LPP: variants seen among roughly 807,000 people sequenced by gnomAD.
The protein encoded by LPP is LIM domain containing preferred translocation partner in lipoma.
Under a neutral mutation model 60.4 loss-of-function variants are expected in LPP, and 38 were observed. That is an observed-to-expected ratio of 0.63 (90% CI 0.49 to 0.83). The LOEUF (loss-of-function observed/expected upper bound fraction) is 0.83, where lower values mean the gene tolerates loss of function less well. LPP is among the 40% of genes least tolerant of loss of function. The pLI is 0.00. For synonymous variants in LPP, 328 were observed against 290.8 expected, an observed-to-expected ratio of 1.13 and a Z score of -1.30; for missense variants, 902 against 783.6, an observed-to-expected ratio of 1.15 and a Z score of -1.80.
intron 2 of LPP, among the ~76,000 whole-genome samples, chr3:188,273,054 G>A (rs1041473561): frequency 6.6e-6 from 1 of 152,214 alleles, no homozygotes; most frequent in African/African-American, 2.4e-5. Context: ...ACAGAGACTC[G>A]TTCAGTGCTT....
intron 9 of LPP, among the ~76,000 whole-genome samples, chr3:188,804,521 C>G (rs1269388919): frequency 2.0e-5 from 3 of 151,736 alleles, no homozygotes; most frequent in Non-Finnish European, 4.4e-5. Context: ...CCAGTACTCA[C>G]TCTTCGGTTT....
At chr3:188,765,396 T>C (rs1733705875) in intron 9 of LPP, among the ~76,000 whole-genome samples, 1 of 151,238 alleles carries the variant, frequency 6.6e-6, no homozygotes, top group Non-Finnish European at 1.5e-5. Context: ...AGGAGAAAAA[T>C]GGTTCAAGAA....
intron 4 of LPP, among the ~76,000 whole-genome samples, chr3:188,421,930 C>T (rs1368544675): frequency 2.0e-5 from 3 of 152,124 alleles, no homozygotes; most frequent in Non-Finnish European, 4.4e-5. Flanking sequence ...GTACCCCACC[C>T]GTATTTCTTA....
At chr3:188,551,847 G>A (rs1438731641) in intron 6 of LPP, among the ~76,000 whole-genome samples, 1 of 152,136 alleles carries the variant, frequency 6.6e-6, no homozygotes, top group Non-Finnish European at 1.5e-5. Context: ...AACTATTTCA[G>A]GAAACCATAA....
chr3:188,580,253 A>G (rs75284683), intron 6 of LPP, among the ~76,000 whole-genome samples: 1 of 151,980 alleles, frequency 6.6e-6, no homozygotes, highest in Admixed American at 6.6e-5. Flanking sequence ...AAAAAAAAAA[A>G]CTTACTCAAA....
chr3:188,717,502 AC>A (rs1340639207), intron 8 of LPP, among the ~76,000 whole-genome samples: 7 of 152,168 alleles, frequency 4.6e-5, no homozygotes, highest in African/African-American at 1.7e-4. Context: ...TTAATGAAAA[AC>A]CCCAAAACCA....
intron 2 of LPP, among the ~76,000 whole-genome samples, chr3:188,291,361 C>A (rs537790122): frequency 9.9e-4 from 151 of 152,148 alleles, no homozygotes; most frequent in African/African-American, 3.6e-3. Context: ...GGACATTGGC[C>A]GGGCGTGGTG....
intron 10 of LPP, among the ~76,000 whole-genome samples, chr3:188,869,860 T>C (rs989455): frequency 0.88 from 134,338 of 152,220 alleles, 59,550 homozygotes; most frequent in East Asian, 1. Flanking sequence ...ATGCAATCTT[T>C]CACATATGTC....
At chr3:188,414,879 A>G (rs563180073) in intron 4 of LPP, among the ~76,000 whole-genome samples, 1 of 152,252 alleles carries the variant, frequency 6.6e-6, no homozygotes, top group South Asian at 2.1e-4. Flanking sequence ...GTTGCCATAG[A>G]CACGTTTTGG....
intron 6 of LPP, among the ~76,000 whole-genome samples, chr3:188,577,059 A>C (rs1297576349): frequency 6.6e-6 from 1 of 152,164 alleles, no homozygotes; most frequent in African/African-American, 2.4e-5. Context: ...AGGAGTAAGA[A>C]GCATTTTGGA....
chr3:188,685,142 T>C (rs1415292256), intron 7 of LPP, among the ~76,000 whole-genome samples: 2 of 152,200 alleles, frequency 1.3e-5, no homozygotes, highest in East Asian at 3.9e-4. Flanking sequence ...TACTATCAAT[T>C]GTAGTGGTGC....
chr3:188,439,824 G>A (rs1003772592), intron 4 of LPP, among the ~76,000 whole-genome samples: 1 of 152,062 alleles, frequency 6.6e-6, no homozygotes, highest in African/African-American at 2.4e-5. Flanking sequence ...TTAACCACAG[G>A]GAAAACAAGT....
chr3:188,784,347 A>G (rs1261886595), intron 9 of LPP, among the ~76,000 whole-genome samples: 10 of 96,130 alleles, frequency 1.0e-4, no homozygotes, highest in African/African-American at 3.8e-4. Flanking sequence ...CATCATATAT[A>G]TATATTCCAT....
intron 3 of LPP, among the ~76,000 whole-genome samples, chr3:188,377,119 C>T (rs1484671052): frequency 2.6e-5 from 4 of 152,316 alleles, no homozygotes; most frequent in Non-Finnish European, 5.9e-5. Flanking sequence ...CCTGACCTTT[C>T]TCTCTGGCTG....
At chr3:188,229,859 C>T (rs1247474477) in intron 2 of LPP, among the ~76,000 whole-genome samples, 3 of 152,110 alleles carry the variant, frequency 2.0e-5, no homozygotes, top group African/African-American at 7.2e-5. Context: ...GTGTGGTAGA[C>T]AGCATCTGAA....
intron 9 of LPP, among the ~76,000 whole-genome samples, chr3:188,829,963 G>C (rs1756692690): frequency 6.7e-6 from 1 of 150,050 alleles, no homozygotes; most frequent in Non-Finnish European, 1.5e-5. Context: ...CTTCAGTCCA[G>C]GAGTTTCAGA....
At chr3:188,632,112 T>C (rs1050979865) in intron 7 of LPP, among the ~76,000 whole-genome samples, 5 of 152,158 alleles carry the variant, frequency 3.3e-5, no homozygotes, top group African/African-American at 1.2e-4. Flanking sequence ...TCCTCAGAAA[T>C]AGTTATTCCT....
At chr3:188,645,268 T>G (rs1184181892) in intron 7 of LPP, among the ~76,000 whole-genome samples, 8 of 151,206 alleles carry the variant, frequency 5.3e-5, no homozygotes, top group Admixed American at 3.9e-4. Context: ...TTTTCCTTAA[T>G]GGAAGGAAAG....
rs148932480 is a variant in LPP, at chr3:188,233,628, A to G, written c.-67+8101A>G. On this transcript the variant is annotated intron_variant, in intron 2 of 11. Transcript: ENST00000617246. ...GTAATCTAAGAATGACATGAAAACA[A>G]AATAGGTTTTTACATAATGAAAGTA... Among the ~76,000 whole-genome samples, 1,005 of 152,334 alleles carry G rather than the reference A, an allele frequency of 6.6e-3. 7 individuals carry two copies. The highest frequency in any genetic ancestry group is 9.3e-3 in the Non-Finnish European group (630 of 68,032).
Sources: gnomAD v4.1 joint callset for allele counts (sites outside exome capture counted in the v4.1 genomes callset) on GRCh38, gnomAD v4.1.1 for gene constraint, MANE v1.5 for transcripts, NCBI Gene and HGNC (gene_info 2026-07-23, HGNC 2026-07-21) for gene names.